STK32B: variants seen among roughly 807,000 people sequenced by gnomAD.
STK32B encodes the protein serine/threonine-protein kinase 32B.
A neutral mutation model predicts 52.6 loss-of-function variants in STK32B; 43 were observed. That is an observed-to-expected ratio of 0.82 (90% confidence interval 0.64 to 1.05). The LOEUF is 1.05. STK32B is among the 50% of genes least tolerant of loss of function. The pLI is 0.00. For missense variants in STK32B, 621 were observed against 534.6 expected (o/e 1.16, Z -1.59); for synonymous variants, 238 against 204.3 (o/e 1.17, Z -1.41).
intron 7 of STK32B, among the ~76,000 whole-genome samples, chr4:5,448,362 G>GAT (rs1715662380): frequency 2.0e-5 from 3 of 152,184 alleles, no homozygotes; most frequent in Non-Finnish European, 4.4e-5. Flanking sequence ...TGTTTCCTTT[G>GAT]ATATATATAC....
At chr4:5,249,463 C>T (rs1239425942) in intron 3 of STK32B, among the ~76,000 whole-genome samples, 1 of 108,424 alleles carries the variant, frequency 9.2e-6, no homozygotes, top group Non-Finnish European at 1.8e-5. Context: ...TCCTTCCTTC[C>T]TTCCTTCCTT....
At chr4:5,423,065 T>C (rs1442567081) in intron 6 of STK32B, among the ~76,000 whole-genome samples, 2 of 151,280 alleles carry the variant, frequency 1.3e-5, no homozygotes, top group South Asian at 2.1e-4. Context: ...AGCACAGGAG[T>C]CTTGAATGCT....
intron 4 of STK32B, among the ~76,000 whole-genome samples, chr4:5,357,947 A>C (rs1409583291): frequency 6.6e-6 from 1 of 152,206 alleles, no homozygotes; most frequent in Non-Finnish European, 1.5e-5. Flanking sequence ...ACTAGAAAGA[A>C]GTATTCAGAC....
Position 5,396,149 on chromosome 4 carries a change from A to G in STK32B, c.435-2058A>G, listed in dbSNP as rs927455920. Among the ~76,000 whole-genome samples, 1 of 152,212 alleles carries G rather than the reference A, an allele frequency of 6.6e-6. No homozygotes were observed. The highest frequency in any genetic ancestry group is 1.5e-5 in the Non-Finnish European group (1 of 68,044). Reference sequence around the variant, plus strand: ...TAAAACAATACAAATTTATTCTCTCATAATTCCGGCCAGAAGTCCAAAATC... The same window carrying G: ...TAAAACAATACAAATTTATTCTCTCGTAATTCCGGCCAGAAGTCCAAAATC... On this transcript the variant is annotated intron_variant, in intron 4 of 11. Coordinates refer to ENST00000282908, the MANE Select transcript of STK32B (RefSeq NM_018401.3). This position sits in a 1 kb window ranked among gnomAD's most constrained non-coding sequence, Gnocchi z 4.7.
intron 3 of STK32B, among the ~76,000 whole-genome samples, chr4:5,277,798 T>A (rs543818332): frequency 1.1e-4 from 16 of 152,310 alleles, no homozygotes; most frequent in African/African-American, 3.8e-4. Context: ...ACAGATTTTT[T>A]AAAAAATGAT....
intron 2 of STK32B, among the ~76,000 whole-genome samples, chr4:5,162,723 G>C (rs1718541218): frequency 6.6e-6 from 1 of 152,204 alleles, no homozygotes; most frequent in Non-Finnish European, 1.5e-5. Context: ...CATTAACTGT[G>C]ATTTCCTGTG....
intron 2 of STK32B, among the ~76,000 whole-genome samples, chr4:5,162,559 TGCTA>T (rs1487511571): frequency 6.6e-6 from 1 of 152,222 alleles, no homozygotes; most frequent in Non-Finnish European, 1.5e-5. Flanking sequence ...CTGAAATCCG[TGCTA>T]GCTAGCATTT....
chr4:5,403,152 T>G lies in STK32B; in HGVS notation c.472+4908T>G, dbSNP rs987332105. Among the ~76,000 whole-genome samples, 5 of 152,220 alleles carry G rather than the reference T, an allele frequency of 3.3e-5. No homozygotes were observed. In the East Asian group the frequency reaches 7.7e-4, roughly 23 times the overall value. Reference sequence around the variant, plus strand: ...GCCCAGGGCTGGCCAATCCTAGGGCTGGTAAACAACCTGCCCCAAGGCACA... The same window carrying G: ...GCCCAGGGCTGGCCAATCCTAGGGCGGGTAAACAACCTGCCCCAAGGCACA... On this transcript the variant is annotated intron_variant, in intron 5 of 11. Coordinates refer to ENST00000282908, the MANE Select transcript of STK32B (RefSeq NM_018401.3).
At chr4:5,118,126 A>C (rs570818991) in intron 1 of STK32B, among the ~76,000 whole-genome samples, 1 of 152,188 alleles carries the variant, frequency 6.6e-6, no homozygotes, top group African/African-American at 2.4e-5. Context: ...TTAGAGAAGG[A>C]TTGGCCCTAA....
chr4:5,388,592 C>A (rs1736405663), intron 4 of STK32B, among the ~76,000 whole-genome samples: 1 of 152,204 alleles, frequency 6.6e-6, no homozygotes, highest in South Asian at 2.1e-4. Flanking sequence ...TGGCTCCAGC[C>A]TTGGGGAGCT....
At chr4:5,451,408 G>A (rs752873069) in intron 7 of STK32B, among the ~76,000 whole-genome samples, 1 of 152,154 alleles carries the variant, frequency 6.6e-6, no homozygotes, top group Non-Finnish European at 1.5e-5. Context: ...AGGCCAGCTG[G>A]AGGCATTTGG....
At chr4:5,072,231 G>T (rs1448679365) in intron 1 of STK32B, among the ~76,000 whole-genome samples, 2 of 151,924 alleles carry the variant, frequency 1.3e-5, no homozygotes, top group Admixed American at 1.3e-4. Flanking sequence ...TTGTTTGCAG[G>T]CTCAACTTGT....
intron 3 of STK32B, among the ~76,000 whole-genome samples, chr4:5,308,828 T>TA (rs1730099548): frequency 6.6e-6 from 1 of 152,134 alleles, no homozygotes; most frequent in African/African-American, 2.4e-5. Flanking sequence ...TTTCCCCTAA[T>TA]ATCTGGAACC....
chr4:5,245,724 C>T (rs1267509137), intron 3 of STK32B, among the ~76,000 whole-genome samples: 2 of 152,166 alleles, frequency 1.3e-5, no homozygotes, highest in African/African-American at 4.8e-5. Context: ...TTGTTCCTTT[C>T]CATGTTTAGT....
At chr4:5,204,556 G>A (rs560243134) in intron 3 of STK32B, among the ~76,000 whole-genome samples, 6 of 151,764 alleles carry the variant, frequency 4.0e-5, no homozygotes, top group East Asian at 3.9e-4. Flanking sequence ...TGCAATCTCC[G>A]CCTCCTGAGT....
intron 3 of STK32B, among the ~76,000 whole-genome samples, chr4:5,320,805 G>A (rs561597900): frequency 6.6e-6 from 1 of 152,300 alleles, no homozygotes; most frequent in Non-Finnish European, 1.5e-5. Context: ...CTATTTTGTT[G>A]TGTTTACATT....
At chr4:5,139,798 C>A in intron 1 of STK32B, 107 bp from the exon 2 acceptor site, 2 of 1,307,704 alleles carry the variant, frequency 1.5e-6, no homozygotes, top group Non-Finnish European at 2.2e-6. Context: ...GTGCACCTGA[C>A]CCAAGAGCCT....
At chr4:5,040,934 C>G in the STK32B span, among the ~76,000 whole-genome samples, 1 of 152,312 alleles carries the variant, frequency 6.6e-6, no homozygotes, top group African/African-American at 2.4e-5. Flanking sequence ...TGTATGCATA[C>G]ACAGAAAAGG....
chr4:5,082,266 G>C (rs549717943), intron 1 of STK32B, among the ~76,000 whole-genome samples: 5 of 152,154 alleles, frequency 3.3e-5, no homozygotes, highest in Non-Finnish European at 7.3e-5. Context: ...ATCCTACAGA[G>C]TCAGGTCAGC....
Sources: gnomAD v4.1 joint callset for allele counts (sites outside exome capture counted in the v4.1 genomes callset) on GRCh38, gnomAD v4.1.1 for gene constraint, Gnocchi (gnomAD v3.1) non-coding constraint, MANE v1.5 for transcripts, NCBI Gene and HGNC (gene_info 2026-07-23, HGNC 2026-07-21) for gene names.